MCTP1: variants seen among roughly 807,000 people sequenced by gnomAD.
MCTP1 encodes multiple C2 and transmembrane domain containing 1.
MCTP1 carries 69 observed loss-of-function variants against 120.6 expected under a neutral mutation model. The ratio of observed to expected loss-of-function variants is 0.57; its 90% CI spans 0.47 to 0.70. The LOEUF is 0.70. Ranked by LOEUF, MCTP1 falls within the 30% of genes least tolerant of loss-of-function variation. The pLI, the probability that MCTP1 is intolerant of heterozygous loss-of-function variation, is 0.00. For synonymous variants in MCTP1, 529 were observed against 493.1 expected (o/e 1.07, Z -0.96); for missense variants, 1,203 against 1,248.8 (o/e 0.96, Z 0.55).
At chr5:94,760,372 T>G (rs1771045427) in intron 19 of MCTP1, among the ~76,000 whole-genome samples, 1 of 152,194 alleles carries the variant, frequency 6.6e-6, no homozygotes, top group Admixed American at 6.5e-5. Context: ...GGGTAGCTAT[T>G]CTGTTGGATA....
At chr5:95,094,720 AT>A (rs1756095971) in intron 1 of MCTP1, among the ~76,000 whole-genome samples, 1 of 152,188 alleles carries the variant, frequency 6.6e-6, no homozygotes, top group Non-Finnish European at 1.5e-5. Context: ...ATACCAAACT[AT>A]AAATAAAAAC....
intron 9 of MCTP1, among the ~76,000 whole-genome samples, chr5:94,909,728 A>G (rs891518065): frequency 2.6e-5 from 4 of 152,130 alleles, no homozygotes; most frequent in African/African-American, 9.6e-5. Flanking sequence ...TAGTTAATGC[A>G]TTAAGATATA....
chr5:95,045,268 T>A (rs978655038), intron 1 of MCTP1, among the ~76,000 whole-genome samples: 1 of 152,188 alleles, frequency 6.6e-6, no homozygotes, highest in African/African-American at 2.4e-5. Context: ...CTCATGCCCA[T>A]CTAAAGAGTT....
At chr5:94,955,722 C>T (rs1269642204) in intron 2 of MCTP1, among the ~76,000 whole-genome samples, 1 of 152,196 alleles carries the variant, frequency 6.6e-6, no homozygotes, top group Non-Finnish European at 1.5e-5. Context: ...CTACATTCCT[C>T]CTCTCTGGGC....
At chr5:95,004,944 G>A (rs1027075336) in intron 2 of MCTP1, among the ~76,000 whole-genome samples, 2 of 152,164 alleles carry the variant, frequency 1.3e-5, no homozygotes, top group African/African-American at 4.8e-5. Context: ...CCTATCAACA[G>A]CTTGCAACAT....
intron 2 of MCTP1, among the ~76,000 whole-genome samples, chr5:95,010,882 C>T (rs1369517109): frequency 2.0e-5 from 3 of 152,162 alleles, no homozygotes; most frequent in Admixed American, 1.3e-4. Flanking sequence ...AGAGTAAACA[C>T]ACACTGTCCA....
chr5:95,262,909 T>C (rs1758584641), intron 1 of MCTP1, among the ~76,000 whole-genome samples: 1 of 152,214 alleles, frequency 6.6e-6, no homozygotes, highest in South Asian at 2.1e-4. Flanking sequence ...CATATATTTG[T>C]TATTCAATTT....
chr5:95,089,291 A>G (rs1755674101), intron 1 of MCTP1, among the ~76,000 whole-genome samples: 1 of 152,176 alleles, frequency 6.6e-6, no homozygotes, highest in African/African-American at 2.4e-5. Flanking sequence ...ACATTGGAAT[A>G]CTTTTGAGAA....
intron 1 of MCTP1, among the ~76,000 whole-genome samples, chr5:95,118,106 A>C (rs1269601742): frequency 6.6e-6 from 1 of 152,204 alleles, no homozygotes; most frequent in Non-Finnish European, 1.5e-5. Flanking sequence ...TGATAGATGC[A>C]CCAAACCTCC....
chr5:95,197,677 GATAT>G (rs1562228571), intron 1 of MCTP1, among the ~76,000 whole-genome samples: 2 of 151,954 alleles, frequency 1.3e-5, no homozygotes, highest in African/African-American at 4.8e-5. Context: ...ACAAAGGAGA[GATAT>G]ATACATATAT....
chr5:94,734,878 C>T (rs1159910646), intron 19 of MCTP1, among the ~76,000 whole-genome samples: 1 of 152,128 alleles, frequency 6.6e-6, no homozygotes, highest in Non-Finnish European at 1.5e-5. Flanking sequence ...AAAGCTTCCT[C>T]ATTCTTCCAG....
intron 19 of MCTP1, among the ~76,000 whole-genome samples, chr5:94,774,601 T>C (rs1412971630): frequency 6.6e-6 from 1 of 152,156 alleles, no homozygotes; most frequent in African/African-American, 2.4e-5. Context: ...ACTGCTACCT[T>C]GAATGTGACA....
chr5:94,992,820 T>C lies in MCTP1; in HGVS notation c.838+24547A>G, dbSNP rs917684869. Among the ~76,000 whole-genome samples the C allele has an allele frequency of 2.6e-3, 393 of 152,308 alleles. 2 individuals carry two copies. The highest frequency in any genetic ancestry group is 8.8e-3 in the African/African-American group (365 of 41,582). On this transcript the variant is annotated intron_variant, in intron 2 of 22. Transcript: ENST00000515393. The stretch of plus-strand genomic sequence containing the variant: ...ACCTTCCTTTTATCTGCCTTAGCAC[T>C]GCTTTCCGGAATTGTCTCTCAAAGA...
chr5:95,113,498 AC>A lies in MCTP1; in HGVS notation c.721-96015del, dbSNP rs571111339. Among the ~76,000 whole-genome samples the A allele has an allele frequency of 4.6e-5, 7 of 152,236 alleles. No individual in the cohort carries two copies. In the South Asian group the frequency reaches 1.5e-3, roughly 32 times the overall value. On this transcript the variant is annotated intron_variant, in intron 1 of 22. Coordinates refer to ENST00000515393, the MANE Select transcript of MCTP1 (RefSeq NM_024717.7). ...AGTGGGAGCACACAGAAATTGTGAG[AC>A]AACGTATATTGAACTCAGTGCTGCC...
intron 18 of MCTP1, among the ~76,000 whole-genome samples, chr5:94,786,857 T>C (rs1236392680): frequency 2.6e-5 from 4 of 152,226 alleles, no homozygotes; most frequent in Non-Finnish European, 5.9e-5. Context: ...AATATTAAAA[T>C]TATGTTTCTG....
At chr5:94,903,662 T>C (rs1256998713) in intron 10 of MCTP1, among the ~76,000 whole-genome samples, 2 of 152,226 alleles carry the variant, frequency 1.3e-5, no homozygotes, top group South Asian at 2.1e-4. Flanking sequence ...TTAGTTGTCA[T>C]GGGTAGCACC....
chr5:94,784,431 AAGACTTTTGTG>A (rs1777206782), intron 18 of MCTP1, among the ~76,000 whole-genome samples: 1 of 152,084 alleles, frequency 6.6e-6, no homozygotes, highest in Admixed American at 6.6e-5. Context: ...GGTCAGGCTA[AAGACTTTTGTG>A]GTAAGATCTT....
intron 12 of MCTP1, among the ~76,000 whole-genome samples, chr5:94,884,161 A>G (rs1657479749): frequency 6.6e-6 from 1 of 152,212 alleles, no homozygotes; most frequent in Non-Finnish European, 1.5e-5. Flanking sequence ...AAATAAATTT[A>G]CTTTTAATGA....
At chr5:94,879,178 G>A (rs894558443) in intron 12 of MCTP1, among the ~76,000 whole-genome samples, 1 of 152,064 alleles carries the variant, frequency 6.6e-6, no homozygotes, top group African/African-American at 2.4e-5. Context: ...ACCATCTTAA[G>A]GTCTTTGGTG....
Sources: allele counts gnomAD v4.1 joint callset (sites outside exome capture counted in the v4.1 genomes callset), GRCh38; gene constraint gnomAD v4.1.1; transcripts MANE v1.5; gene names NCBI Gene and HGNC (gene_info 2026-07-23, HGNC 2026-07-21).